PEX7: variants seen among roughly 807,000 people sequenced by gnomAD.
PEX7 encodes peroxisomal biogenesis factor 7.
PEX7 carries 34 observed loss-of-function variants against 47.5 expected under a neutral mutation model. The observed-to-expected ratio is 0.72, with a 90% confidence interval of 0.54 to 0.95. The LOEUF is 0.95. Ranked by LOEUF, PEX7 falls within the 40% of genes least tolerant of loss-of-function variation. The probability of loss-of-function intolerance (pLI) is 0.00; values close to 1 mark genes in which losing one functional copy is unlikely to be tolerated. For missense variants in PEX7, 394 were observed against 400.3 expected, an observed-to-expected ratio of 0.98 and a Z score of 0.13; for synonymous variants, 141 against 148.8, an observed-to-expected ratio of 0.95 and a Z score of 0.38.
chr6:136,874,668 CAAAA>C (rs770483004), intron 8 of PEX7, among the ~76,000 whole-genome samples: 26 of 54,946 alleles, frequency 4.7e-4, no homozygotes, highest in African/African-American at 1.3e-3. Flanking sequence ...GACTTTGCCT[CAAAA>C]AAAAAAAAAA....
intron 9 of PEX7, among the ~76,000 whole-genome samples, chr6:136,898,837 T>G (rs2115274173): frequency 6.6e-6 from 1 of 152,216 alleles, no homozygotes; most frequent in South Asian, 2.1e-4. Context: ...CCTTTTCATT[T>G]TAGAAATTGT....
chr6:136,858,631 A>T (rs1333070665), intron 5 of PEX7, among the ~76,000 whole-genome samples: 1 of 152,226 alleles, frequency 6.6e-6, no homozygotes, highest in Non-Finnish European at 1.5e-5. Context: ...TTTGGGAAGC[A>T]CTGTACTAGT....
intron 8 of PEX7, among the ~76,000 whole-genome samples, chr6:136,876,343 A>AT (rs1424636060): frequency 2.6e-5 from 4 of 151,928 alleles, no homozygotes; most frequent in Non-Finnish European, 5.9e-5. Flanking sequence ...GGCCGATTAA[A>AT]TTTTTTTTAT....
At chr6:136,833,176 T>G (rs1288542827) in intron 3 of PEX7, among the ~76,000 whole-genome samples, 1 of 152,104 alleles carries the variant, frequency 6.6e-6, no homozygotes, top group African/African-American at 2.4e-5. Flanking sequence ...TGGGGAGGCC[T>G]TAGGAAACTT....
chr6:136,858,291 C>T (rs1256865559), intron 5 of PEX7, among the ~76,000 whole-genome samples: 2 of 152,204 alleles, frequency 1.3e-5, no homozygotes, highest in Admixed American at 1.3e-4. Context: ...AAAGTTGGAA[C>T]ATGGAGAGAA....
chr6:136,826,189 T>G, intron 2 of PEX7, 130 bp from the exon 3 acceptor site: 1 of 980,638 alleles, frequency 1.0e-6, no homozygotes, highest in Admixed American at 1.8e-5. Flanking sequence ...GTTGTGCAGA[T>G]TACATGAGAT....
At position 136,858,755 on chromosome 6, in the gene PEX7, A is replaced by G. The variant is rs756044197; in HGVS notation, c.527-7872A>G. Reference sequence around the variant, plus strand: ...TACTCAACTCTTTTTTTAAAAATCTACAGAATGGTTTCAGTGCCGAATTCA... The same window carrying G: ...TACTCAACTCTTTTTTTAAAAATCTGCAGAATGGTTTCAGTGCCGAATTCA... On this transcript the variant is annotated intron_variant, in intron 5 of 9. Transcript: ENST00000318471. 6.6e-5 allele frequency among the ~76,000 whole-genome samples: 10 copies of G among 152,198 alleles called. No homozygotes were observed. The South Asian group carries it at 1.9e-3, about 28-fold the overall frequency.
chr6:136,862,153 A>G (rs1044825353), intron 5 of PEX7, among the ~76,000 whole-genome samples: 1 of 149,280 alleles, frequency 6.7e-6, no homozygotes, highest in Non-Finnish European at 1.5e-5. Flanking sequence ...TGCAACCTCC[A>G]CCCCTGGGGT....
intron 7 of PEX7, 146 bp from the exon 8 acceptor site, chr6:136,872,052 A>G (rs1775190999): frequency 3.0e-6 from 2 of 676,686 alleles, no homozygotes; most frequent in East Asian, 5.5e-5. Flanking sequence ...AAATTATAGC[A>G]TATATGCTTT....
rs61753239 is a variant in PEX7 at position 136,822,787 on chromosome 6, G to A, written c.122G>A (p.Gly41Asp). 7.4e-7 allele frequency: 1 copy of A among 1,344,312 alleles called. No homozygotes were observed. The highest frequency in any genetic ancestry group is 9.5e-7 in the Non-Finnish European group (1 of 1,053,142). 83.3% of individuals were successfully genotyped at this position (1,344,312 alleles called of 1,614,324 possible). A position where few individuals can be genotyped will look rare whatever the true frequency, so the allele number is the denominator to read the frequency against. ...GCCTGCGCCACCGCGCAGCACTACG[G>A]CATCGCGGGTGAGGCGGCGCCGCGC... ...RLACATAQHY[G>D]IAGCGTLLIL... Residue 41 changes from glycine to aspartate, a missense_variant, in exon 1 of 10, where the codon GGC becomes GAC. By Grantham distance (94) the Gly-to-Asp change is moderately conservative. Transcript: ENST00000318471.
Position 136,863,352 on chromosome 6 carries a change from T to C in PEX7, c.527-3275T>C, listed in dbSNP as rs183297718. Among the ~76,000 whole-genome samples, 6 of 152,168 alleles carry C rather than the reference T, an allele frequency of 3.9e-5. No homozygotes were observed. In the East Asian group the frequency reaches 9.7e-4, roughly 25 times the overall value. ...CATCCTTAGCTAGGTCCAAAAATGTTTGTTACTCTCATCTATCAAAGTGGT... is the reference window on the plus strand; with the variant it reads ...CATCCTTAGCTAGGTCCAAAAATGTCTGTTACTCTCATCTATCAAAGTGGT... On this transcript the variant is annotated intron_variant, in intron 5 of 9. Transcript: ENST00000318471.
intron 1 of PEX7, chr6:136,823,298 G>T: frequency 1.0e-6 from 1 of 985,436 alleles, no homozygotes; most frequent in Non-Finnish European, 1.2e-6. Context: ...TGGACGCCTG[G>T]AGTCCCACGG....
chr6:136,896,607 C>G (rs1041242405), intron 8 of PEX7, among the ~76,000 whole-genome samples: 53 of 152,184 alleles, frequency 3.5e-4, no homozygotes, highest in Admixed American at 2.0e-4. Flanking sequence ...TCTTGAGGTC[C>G]TTCCCTGTCA....
At chr6:136,893,743 G>T (rs1775596923) in intron 8 of PEX7, among the ~76,000 whole-genome samples, 1 of 152,126 alleles carries the variant, frequency 6.6e-6, no homozygotes. Flanking sequence ...TGCTTAAAAT[G>T]ATAAAAACAC....
At chr6:136,839,019 A>C (rs1774445613) in intron 3 of PEX7, among the ~76,000 whole-genome samples, 1 of 152,034 alleles carries the variant, frequency 6.6e-6, no homozygotes, top group South Asian at 2.1e-4. Context: ...CTGTCTCTAC[A>C]AAAAATTAAA....
At chr6:136,828,584 A>G (rs1437284854) in intron 3 of PEX7, among the ~76,000 whole-genome samples, 1 of 152,154 alleles carries the variant, frequency 6.6e-6, no homozygotes, top group Non-Finnish European at 1.5e-5. Context: ...CAGACTGTGC[A>G]CTTGTCATTT....
intron 9 of PEX7, among the ~76,000 whole-genome samples, chr6:136,905,365 G>A (rs183359518): frequency 5.2e-4 from 79 of 152,266 alleles, no homozygotes; most frequent in African/African-American, 1.9e-3. Context: ...CACACTATCA[G>A]TAAGTTCTGT....
At chr6:136,823,947 G>T (rs1774136470) in intron 1 of PEX7, among the ~76,000 whole-genome samples, 1 of 152,206 alleles carries the variant, frequency 6.6e-6, no homozygotes. Flanking sequence ...GTTCATTCTC[G>T]CTTTTGCCTT....
intron 3 of PEX7, among the ~76,000 whole-genome samples, chr6:136,828,418 G>T (rs192163446): frequency 6.6e-6 from 1 of 152,184 alleles, no homozygotes; most frequent in East Asian, 1.9e-4. Context: ...TGACTTTTAG[G>T]TTGTTCTGAT....
Sources: allele counts gnomAD v4.1 joint callset (sites outside exome capture counted in the v4.1 genomes callset), GRCh38; gene constraint gnomAD v4.1.1; transcripts MANE v1.5; gene names NCBI Gene and HGNC (gene_info 2026-07-23, HGNC 2026-07-21).